SLC35F3: variants seen among roughly 807,000 people sequenced by gnomAD.
SLC35F3 encodes solute carrier family 35 member F3, also known as putative thiamine transporter SLC35F3.
SLC35F3 carries 25 observed loss-of-function variants against 49.9 expected under a neutral mutation model. That is an observed-to-expected ratio of 0.50 (90% confidence interval 0.37 to 0.70). The LOEUF is 0.70. Ranked by LOEUF, SLC35F3 falls within the 30% of genes least tolerant of loss-of-function variation. SLC35F3 has a pLI of 0.00. For missense variants in SLC35F3, 525 were observed against 639.8 expected (o/e 0.82, Z 1.94); for synonymous variants, 275 against 265.4 (o/e 1.04, Z -0.35).
intron 3 of SLC35F3, among the ~76,000 whole-genome samples, chr1:234,253,897 T>C (rs1226337133): frequency 6.6e-6 from 1 of 151,998 alleles, no homozygotes; most frequent in Admixed American, 6.6e-5. Flanking sequence ...CTGTGAGGGG[T>C]AGAGTGAGAT....
At chr1:234,194,763 G>A (rs1213228907) in intron 2 of SLC35F3, among the ~76,000 whole-genome samples, 2 of 152,102 alleles carry the variant, frequency 1.3e-5, no homozygotes, top group African/African-American at 2.4e-5. Context: ...ATTGGAGGAG[G>A]TGATTCTAAT....
chr1:234,247,388 T>C (rs1328364509), intron 3 of SLC35F3, among the ~76,000 whole-genome samples: 2 of 152,202 alleles, frequency 1.3e-5, no homozygotes, highest in Admixed American at 6.5e-5. Context: ...GGTCCATTTT[T>C]AGGTGGGTTG....
intron 2 of SLC35F3, among the ~76,000 whole-genome samples, chr1:234,077,194 CG>C (rs1381774299): frequency 1.3e-4 from 20 of 150,788 alleles, no homozygotes; most frequent in Admixed American, 3.3e-4. Context: ...TTAGTAGAGA[CG>C]GGGTTTCACC....
intron 2 of SLC35F3, among the ~76,000 whole-genome samples, chr1:233,943,346 A>G (rs894404319): frequency 2.6e-5 from 4 of 152,250 alleles, no homozygotes; most frequent in African/African-American, 9.6e-5. Context: ...ATATTTCCCT[A>G]ATTTTAAAGT....
At chr1:233,973,757 C>A (rs1225148317) in intron 2 of SLC35F3, among the ~76,000 whole-genome samples, 1 of 152,208 alleles carries the variant, frequency 6.6e-6, no homozygotes, top group Non-Finnish European at 1.5e-5. Context: ...AGAGATAGAG[C>A]AGCTTAACCT....
intron 2 of SLC35F3, among the ~76,000 whole-genome samples, chr1:233,965,479 T>A (rs1380781951): frequency 6.6e-6 from 1 of 152,154 alleles, no homozygotes; most frequent in Non-Finnish European, 1.5e-5. Flanking sequence ...ATGTAAGGTT[T>A]TGTTTTGGTT....
chr1:234,323,202 CAG>C lies in SLC35F3; in HGVS notation c.1435_1436del (p.Ser479GlnfsTer17), dbSNP rs1657672339. The C allele has an allele frequency of 6.2e-7, 1 of 1,613,974 alleles. No individual in the cohort carries two copies. Among genetic ancestry groups the C allele is most frequent in the Non-Finnish European group, 8.5e-7 (1 of 1,180,034 alleles). On this transcript the variant is annotated frameshift_variant, in exon 8 of 8. Transcript: ENST00000366618. LOFTEE classifies it high-confidence loss of function. This position sits in a 1 kb window ranked among gnomAD's most constrained non-coding sequence, Gnocchi z 4.5. ...EGAADLSSGP[Q>X]SKNRRARPSF... ...CGCTGCCGACCTGAGCTCAGGACCTCAGAGCAAGAACAGAAGAGCCCGCCCTT... is the reference window on the plus strand; with the variant it reads ...CGCTGCCGACCTGAGCTCAGGACCTCAGCAAGAACAGAAGAGCCCGCCCTT...
At chr1:234,168,415 CT>C (rs1205711191) in intron 2 of SLC35F3, among the ~76,000 whole-genome samples, 1 of 152,214 alleles carries the variant, frequency 6.6e-6, no homozygotes. Context: ...CTCTAGAGCC[CT>C]TCATTCTCCC....
At position 234,258,344 on chromosome 1, in the gene SLC35F3, T is replaced by C. The variant is rs577158801; in HGVS notation, c.608+26603T>C. ...CAGGTGGACTCCCTCAGTGAACAAA[T>C]TGGAAAAGTCTGAAAAATACCTCAA... On this transcript the variant is annotated intron_variant, in intron 3 of 7. Coordinates refer to ENST00000366618, the MANE Select transcript of SLC35F3 (RefSeq NM_173508.4). 6.6e-5 allele frequency among the ~76,000 whole-genome samples: 10 copies of C among 152,280 alleles called. No homozygotes were observed. In the South Asian group the frequency reaches 2.1e-3, roughly 32 times the overall value.
chr1:233,925,245 C>T (rs1412340197), intron 2 of SLC35F3, among the ~76,000 whole-genome samples: 1 of 151,970 alleles, frequency 6.6e-6, no homozygotes, highest in Non-Finnish European at 1.5e-5. Flanking sequence ...TTAAAGTCTC[C>T]CATTATTATT....
intron 2 of SLC35F3, among the ~76,000 whole-genome samples, chr1:234,215,387 G>T (rs927059372): frequency 2.0e-5 from 3 of 152,168 alleles, no homozygotes; most frequent in African/African-American, 7.2e-5. Context: ...TGGAGAAGGG[G>T]GGCAGAGGGC....
intron 2 of SLC35F3, among the ~76,000 whole-genome samples, chr1:234,121,634 T>A (rs942432741): frequency 6.6e-6 from 1 of 152,190 alleles, no homozygotes; most frequent in Non-Finnish European, 1.5e-5. Flanking sequence ...TACATATGTA[T>A]ACATGTGCCA....
At chr1:234,301,723 T>TA (rs1380814227) in intron 3 of SLC35F3, among the ~76,000 whole-genome samples, 1 of 152,188 alleles carries the variant, frequency 6.6e-6, no homozygotes, top group Non-Finnish European at 1.5e-5. Flanking sequence ...AATTCTACTA[T>TA]AAAAACACTT....
intron 2 of SLC35F3, among the ~76,000 whole-genome samples, chr1:234,041,514 G>A (rs1207454016): frequency 6.6e-6 from 1 of 151,900 alleles, no homozygotes; most frequent in East Asian, 1.9e-4. Flanking sequence ...AAGTTTGAGA[G>A]CATACATGCA....
intron 2 of SLC35F3, among the ~76,000 whole-genome samples, chr1:233,906,063 C>T (rs1028278008): frequency 2.0e-5 from 3 of 152,236 alleles, no homozygotes; most frequent in Non-Finnish European, 4.4e-5. Context: ...GGAAACAGAT[C>T]AGAAACTCAA....
At chr1:234,202,649 G>GCC (rs1666915982) in intron 2 of SLC35F3, among the ~76,000 whole-genome samples, 2 of 152,344 alleles carry the variant, frequency 1.3e-5, no homozygotes, top group East Asian at 3.9e-4. Flanking sequence ...ATGGGCGGGA[G>GCC]CCCTCCGCAT....
At chr1:234,068,722 G>A (rs149556370) in intron 2 of SLC35F3, among the ~76,000 whole-genome samples, 4 of 149,706 alleles carry the variant, frequency 2.7e-5, no homozygotes, top group East Asian at 2.0e-4. Flanking sequence ...TGCAGACCAC[G>A]TAGGCCTTGC....
chr1:234,127,659 T>C lies in SLC35F3; in HGVS notation c.284-103758T>C, dbSNP rs1317266710. ...TGATTTAAAAGCCTCCTTTGGGAGATGATAACTAAGGTATTTCAATATGCA... is the reference window on the plus strand; with the variant it reads ...TGATTTAAAAGCCTCCTTTGGGAGACGATAACTAAGGTATTTCAATATGCA... On this transcript the variant is annotated intron_variant, in intron 2 of 7. Transcript: ENST00000366618. Among the ~76,000 whole-genome samples, 3 of 152,326 alleles carry C rather than the reference T, an allele frequency of 2.0e-5. No individual in the cohort carries two copies. The East Asian group carries it at 5.8e-4, about 29-fold the overall frequency.
intron 2 of SLC35F3, among the ~76,000 whole-genome samples, chr1:234,086,524 A>G (rs2102875119): frequency 6.6e-6 from 1 of 152,346 alleles, no homozygotes; most frequent in South Asian, 2.1e-4. Context: ...AGACAGATGT[A>G]TTTACCTTGA....
Sources: allele counts gnomAD v4.1 joint callset (sites outside exome capture counted in the v4.1 genomes callset), GRCh38; gene constraint gnomAD v4.1.1; non-coding constraint Gnocchi (gnomAD v3.1); transcripts MANE v1.5; gene names NCBI Gene and HGNC (gene_info 2026-07-23, HGNC 2026-07-21).